SLC14A2: variants seen among roughly 807,000 people sequenced by gnomAD.
The protein encoded by SLC14A2 is solute carrier family 14 member 2.
A neutral mutation model predicts 104.6 loss-of-function variants in SLC14A2; 91 were observed. The ratio of observed to expected loss-of-function variants is 0.87; its 90% CI spans 0.73 to 1.04. The LOEUF (loss-of-function observed/expected upper bound fraction) is 1.04, where lower values mean the gene tolerates loss of function less well. Among genes scored for constraint, SLC14A2 ranks in the 50% least tolerant of loss-of-function variants. The pLI, the probability that SLC14A2 is intolerant of heterozygous loss-of-function variation, is 0.00. For missense variants in SLC14A2, 1,189 were observed against 1,156.0 expected (o/e 1.03, Z -0.41); for synonymous variants, 476 against 466.4 (o/e 1.02, Z -0.27).
intron 2 of SLC14A2, among the ~76,000 whole-genome samples, chr18:45,598,076 T>C (rs921851550): frequency 7.2e-5 from 11 of 152,134 alleles, no homozygotes; most frequent in African/African-American, 1.9e-4. Context: ...TTTCTACAAA[T>C]GGGCAACCCA....
chr18:45,239,824 G>A (rs1163610377), intron 1 of SLC14A2, among the ~76,000 whole-genome samples: 1 of 152,154 alleles, frequency 6.6e-6, no homozygotes, highest in Admixed American at 6.6e-5. Context: ...CCCTTACCCT[G>A]CCAGGTACTA....
intron 1 of SLC14A2, among the ~76,000 whole-genome samples, chr18:45,326,120 C>T (rs531702643): frequency 1.3e-5 from 2 of 152,310 alleles, no homozygotes; most frequent in Non-Finnish European, 2.9e-5. Context: ...TTCCTACCAT[C>T]TTTCTGAATT....
chr18:45,411,057 G>T (rs1222773693), intron 1 of SLC14A2, among the ~76,000 whole-genome samples: 2 of 152,144 alleles, frequency 1.3e-5, no homozygotes, highest in African/African-American at 4.8e-5. Context: ...TGTATTGATT[G>T]GCAACAATGA....
chr18:45,592,744 G>A (rs1274259021), intron 2 of SLC14A2, among the ~76,000 whole-genome samples: 5 of 152,242 alleles, frequency 3.3e-5, no homozygotes, highest in African/African-American at 1.2e-4. Flanking sequence ...ATGGCCTAAT[G>A]AGGGCCTGGG....
intron 1 of SLC14A2, among the ~76,000 whole-genome samples, chr18:45,227,584 G>A (rs1230027923): frequency 6.6e-6 from 1 of 152,172 alleles, no homozygotes; most frequent in Non-Finnish European, 1.5e-5. Context: ...AGCCCTCCTG[G>A]CCTGATCACC....
chr18:45,529,121 G>C (rs948457680), intron 2 of SLC14A2: 2 of 152,228 alleles, frequency 1.3e-5, no homozygotes, highest in Non-Finnish European at 2.9e-5. Flanking sequence ...CAAGAGCCCT[G>C]CTCAAATTGC....
At chr18:45,628,052 C>G (rs1470677585) in intron 4 of SLC14A2, among the ~76,000 whole-genome samples, 1 of 150,662 alleles carries the variant, frequency 6.6e-6, no homozygotes, top group African/African-American at 2.4e-5. Flanking sequence ...TAAAAACTTG[C>G]ATTTTGTAGA....
At chr18:45,494,909 CACACAT>C (rs1033153628) in intron 2 of SLC14A2, among the ~76,000 whole-genome samples, 2 of 52,708 alleles carry the variant, frequency 3.8e-5, no homozygotes, top group African/African-American at 1.6e-4. Flanking sequence ...ATCACACACA[CACACAT>C]ACACACACAC....
At chr18:45,171,948 C>G in the SLC14A2 span, among the ~76,000 whole-genome samples, 1 of 152,094 alleles carries the variant, frequency 6.6e-6, no homozygotes, top group Non-Finnish European at 1.5e-5. Flanking sequence ...TGGTATCTTA[C>G]AAAGTTTAGG....
chr18:45,578,177 A>C (rs1196854343), intron 2 of SLC14A2, among the ~76,000 whole-genome samples: 1 of 152,150 alleles, frequency 6.6e-6, no homozygotes, highest in African/African-American at 2.4e-5. Context: ...CACTTTCTCC[A>C]GGAGCCCCTT....
chr18:45,518,481 T>C (rs1400147178), intron 2 of SLC14A2, among the ~76,000 whole-genome samples: 1 of 152,136 alleles, frequency 6.6e-6, no homozygotes. Context: ...AAAGCAAAGG[T>C]CCCAAACCAA....
intron 1 of SLC14A2, among the ~76,000 whole-genome samples, chr18:45,416,092 G>A (rs1309471365): frequency 6.6e-6 from 1 of 152,096 alleles, no homozygotes; most frequent in Non-Finnish European, 1.5e-5. Context: ...TTTTGGCGTT[G>A]AAGAGAGCGT....
intron 1 of SLC14A2, among the ~76,000 whole-genome samples, chr18:45,428,522 G>C (rs1042599907): frequency 6.6e-6 from 1 of 152,212 alleles, no homozygotes; most frequent in Non-Finnish European, 1.5e-5. Context: ...AGAAGCTCAG[G>C]AAGGGAAATC....
At chr18:45,368,615 C>T (rs1275850757) in intron 1 of SLC14A2, among the ~76,000 whole-genome samples, 5 of 152,102 alleles carry the variant, frequency 3.3e-5, no homozygotes, top group Admixed American at 3.3e-4. Flanking sequence ...CATGAAACTT[C>T]GCAAATGTCA....
chr18:45,212,629 C>T (rs538757000), upstream of SLC14A2, among the ~76,000 whole-genome samples: 5 of 152,248 alleles, frequency 3.3e-5, no homozygotes, highest in East Asian at 3.9e-4. Flanking sequence ...TATAATCTAA[C>T]GCACATGTGT....
chr18:45,283,397 G>T (rs576642877), intron 1 of SLC14A2, among the ~76,000 whole-genome samples: 6 of 135,796 alleles, frequency 4.4e-5, no homozygotes, highest in Middle Eastern at 3.8e-3. Flanking sequence ...CTTAATACCC[G>T]CTCTAAGGAA....
At chr18:45,672,281 G>A (rs2046152769) in intron 16 of SLC14A2, among the ~76,000 whole-genome samples, 1 of 152,140 alleles carries the variant, frequency 6.6e-6, no homozygotes, top group South Asian at 2.1e-4. Context: ...TGTAATCCCA[G>A]CACTTTGGGA....
At chr18:45,513,753 A>G (rs1396366447) in intron 2 of SLC14A2, among the ~76,000 whole-genome samples, 1 of 152,202 alleles carries the variant, frequency 6.6e-6, no homozygotes, top group Non-Finnish European at 1.5e-5. Flanking sequence ...ACAAAGACAT[A>G]TCTCTGGGGT....
At chr18:45,227,710 GT>G (rs1225772851) in intron 1 of SLC14A2, among the ~76,000 whole-genome samples, 6 of 152,212 alleles carry the variant, frequency 3.9e-5, no homozygotes, top group Non-Finnish European at 8.8e-5. Flanking sequence ...TGGGGTTAAT[GT>G]GGAGAACTGG....
Sources: allele counts gnomAD v4.1 joint callset (sites outside exome capture counted in the v4.1 genomes callset), GRCh38; gene constraint gnomAD v4.1.1; transcripts MANE v1.5; gene names NCBI Gene and HGNC (gene_info 2026-07-23, HGNC 2026-07-21).